The following MTRES1 variants were observed in gnomAD, a reference collection of about 807,000 sequenced individuals.
MTRES1 encodes the protein uncharacterized protein C6orf203.
In MTRES1, 11 loss-of-function variants were observed where a neutral mutation model predicts 17.4. The ratio of observed to expected loss-of-function variants is 0.63; its 90% CI spans 0.40 to 1.05. The LOEUF (loss-of-function observed/expected upper bound fraction) is 1.05, where lower values mean the gene tolerates loss of function less well. Ranked by LOEUF, MTRES1 falls within the 50% of genes least tolerant of loss-of-function variation. The probability of loss-of-function intolerance (pLI) is 0.00; values close to 1 mark genes in which losing one functional copy is unlikely to be tolerated. For synonymous variants in MTRES1, 94 were observed against 99.6 expected (o/e 0.94, Z 0.34); for missense variants, 268 against 276.2 (o/e 0.97, Z 0.21).
intron 1 of MTRES1, chr6:107,028,610 C>G (rs1166286315): frequency 6.6e-6 from 1 of 152,358 alleles, no homozygotes; most frequent in Non-Finnish European, 1.5e-5. Flanking sequence ...CTGTCTCAGC[C>G]CACAGCCTCC....
intron 2 of MTRES1, 109 bp from the exon 3 acceptor site, chr6:107,044,151 G>A (rs1774312800): frequency 4.3e-6 from 3 of 705,124 alleles, no homozygotes; most frequent in Non-Finnish European, 7.1e-6. Flanking sequence ...TAGATTTGAG[G>A]GTACAAGTGT....
chr6:107,046,229 A>G (rs930297377), intron 3 of MTRES1, among the ~76,000 whole-genome samples: 2 of 152,156 alleles, frequency 1.3e-5, no homozygotes, highest in Non-Finnish European at 2.9e-5. Flanking sequence ...TATTCCAAAA[A>G]CAAGATGTAT....
chr6:107,036,998 T>G (rs1016601812), intron 1 of MTRES1, among the ~76,000 whole-genome samples: 32 of 152,170 alleles, frequency 2.1e-4, no homozygotes, highest in Admixed American at 5.2e-4. Context: ...CAGGCTGGTC[T>G]CAAACTCCTG....
In MTRES1 at chr6:107,038,260, A is replaced by G. The variant is rs567924154; in HGVS notation, c.-12-1489A>G. ...TAATCAGAGGTATCAATCCTAAGGT[A>G]CAATCTAGGCACAAAGGAAAGTCAT... On this transcript the variant is annotated intron_variant, in intron 1 of 3. Coordinates refer to ENST00000311381, the MANE Select transcript of MTRES1 (RefSeq NM_016487.5). Among the ~76,000 whole-genome samples the G allele has an allele frequency of 1.1e-4, 16 of 152,304 alleles. No homozygotes were observed. In the South Asian group the frequency reaches 2.7e-3, roughly 26 times the overall value.
chr6:107,032,117 G>C (rs1334515517), intron 1 of MTRES1, among the ~76,000 whole-genome samples: 2 of 152,162 alleles, frequency 1.3e-5, no homozygotes, highest in Non-Finnish European at 2.9e-5. Flanking sequence ...GAAGTTTTAT[G>C]GTAAAGAGGA....
chr6:107,046,988 G>A (rs1416732809), intron 3 of MTRES1, among the ~76,000 whole-genome samples: 1 of 148,972 alleles, frequency 6.7e-6, no homozygotes, highest in African/African-American at 2.5e-5. Context: ...ATTTTTAGTA[G>A]AGACGGGGTT....
intron 1 of MTRES1, among the ~76,000 whole-genome samples, chr6:107,034,750 G>A (rs781940321): frequency 1.3e-5 from 2 of 152,152 alleles, no homozygotes; most frequent in Non-Finnish European, 2.9e-5. Flanking sequence ...CACTTTGGGA[G>A]GCCAAGGTGG....
chr6:107,050,551 C>CTTTTTTTTTTTTTTTTTTTT (rs142268482), intron 3 of MTRES1, among the ~76,000 whole-genome samples: 2 of 81,514 alleles, frequency 2.5e-5, no homozygotes, highest in Admixed American at 1.7e-4. Flanking sequence ...CTCTCCCTTT[C>CTTTTTTTTTTTTTTTTTTTT]TTTTTTTTTT....
At chr6:107,037,054 C>G (rs1554227022) in intron 1 of MTRES1, among the ~76,000 whole-genome samples, 1 of 151,864 alleles carries the variant, frequency 6.6e-6, no homozygotes, top group South Asian at 2.1e-4. Flanking sequence ...TGCTGGGATA[C>G]AGGCGTGAGC....
At chr6:107,029,953 A>G in intron 1 of MTRES1, 1 of 643,694 alleles carries the variant, frequency 1.6e-6, no homozygotes, top group Admixed American at 2.5e-5. Flanking sequence ...TTCTTCCCCC[A>G]GTGCATTAAC....
rs1003749545 is a variant in MTRES1, at chr6:107,034,203, G to A, written c.-12-5546G>A. Among the ~76,000 whole-genome samples, 8 of 152,064 alleles carry A rather than the reference G, an allele frequency of 5.3e-5. 1 individual carries two copies. The highest frequency in any genetic ancestry group is 3.2e-3 in the Middle Eastern group (1 of 316). On this transcript the variant is annotated intron_variant, in intron 1 of 3. Transcript: ENST00000311381. ...CTAGGCATTCCTCAAAGTAAACAAC[G>A]GTACGGTATAAAGCTAGGACTTTTC...
rs142987721 is a variant in MTRES1 at position 107,050,985 on chromosome 6, A to G, written c.544-72A>G. 1,106 of 1,265,362 alleles carry G rather than the reference A, an allele frequency of 8.7e-4. 4 individuals are homozygous for G. The highest frequency in any genetic ancestry group is 7.0e-3 in the Middle Eastern group (36 of 5,166). 78.4% of individuals were successfully genotyped at this position (1,265,362 alleles called of 1,614,324 possible). ...GGTCATGATCATGTGGTGAAAACTC[A>G]GAGCAGTAATGTTTGCATTGGCCTG... On this transcript the variant is annotated intron_variant, in intron 3 of 3. Transcript: ENST00000311381.
intron 2 of MTRES1, among the ~76,000 whole-genome samples, chr6:107,043,565 T>A (rs1341133692): frequency 6.7e-6 from 1 of 149,268 alleles, no homozygotes; most frequent in Non-Finnish European, 1.5e-5. Context: ...TAAAGTAAGC[T>A]AGAGAAAAGA....
intron 1 of MTRES1, among the ~76,000 whole-genome samples, chr6:107,031,385 CAAAAAAAAAA>C (rs782379041): frequency 1.0e-5 from 1 of 97,640 alleles, no homozygotes; most frequent in African/African-American, 4.1e-5. Context: ...GACCCTGTCT[CAAAAAAAAAA>C]AAAAGAAAAA....
chr6:107,042,625 A>G (rs146535796), intron 2 of MTRES1, among the ~76,000 whole-genome samples: 7 of 152,272 alleles, frequency 4.6e-5, no homozygotes, highest in African/African-American at 1.7e-4. Context: ...CAGCTGTCAG[A>G]TTGGAATCTC....
chr6:107,035,786 T>A (rs1056615179), intron 1 of MTRES1, among the ~76,000 whole-genome samples: 1 of 151,958 alleles, frequency 6.6e-6, no homozygotes, highest in East Asian at 1.9e-4. Context: ...GTAGCTGAGA[T>A]AACAGGCACC....
intron 1 of MTRES1, among the ~76,000 whole-genome samples, chr6:107,035,797 C>T (rs782410499): frequency 5.9e-5 from 9 of 152,054 alleles, no homozygotes; most frequent in Non-Finnish European, 1.0e-4. Context: ...AACAGGCACC[C>T]ACCACCATGC....
intron 3 of MTRES1, among the ~76,000 whole-genome samples, chr6:107,047,825 G>T (rs1479228681): frequency 6.6e-6 from 1 of 152,020 alleles, no homozygotes. Flanking sequence ...GGTGGAGCTT[G>T]CAGTGAGCCA....
At chr6:107,049,408 CTTTT>C (rs782057719) in intron 3 of MTRES1, among the ~76,000 whole-genome samples, 6 of 99,380 alleles carry the variant, frequency 6.0e-5, no homozygotes, top group South Asian at 3.7e-4. Context: ...TATGGCCCTT[CTTTT>C]TTTTTTTTTT....
Sources: gnomAD v4.1 joint callset for allele counts (sites outside exome capture counted in the v4.1 genomes callset) on GRCh38, gnomAD v4.1.1 for gene constraint, MANE v1.5 for transcripts, NCBI Gene and HGNC (gene_info 2026-07-23, HGNC 2026-07-21) for gene names.